Variants in DAAM1 observed in about 807,000 individuals in gnomAD.
DAAM1 encodes the protein disheveled-associated activator of morphogenesis 1.
Under a neutral mutation model 130.0 loss-of-function variants are expected in DAAM1, and 52 were observed. That is an observed-to-expected ratio of 0.40 (90% CI 0.32 to 0.50). The LOEUF is 0.50. Among genes scored for constraint, DAAM1 ranks in the 20% least tolerant of loss-of-function variants. The probability of loss-of-function intolerance (pLI) is 0.61; values close to 1 mark genes in which losing one functional copy is unlikely to be tolerated. For missense variants in DAAM1, 1,134 were observed against 1,303.8 expected, an observed-to-expected ratio of 0.87 and a Z score of 2.01; for synonymous variants, 452 against 444.5, an observed-to-expected ratio of 1.02 and a Z score of -0.21.
rs371257121 is a variant in DAAM1 at position 59,323,995 on chromosome 14, G to A, written c.775-133G>A. 31 of 468,028 alleles carry A rather than the reference G, an allele frequency of 6.6e-5. No individual in the cohort carries two copies. In the South Asian group the frequency reaches 9.0e-4, roughly 14 times the overall value. The allele number at this position is 468,028 out of a possible 1,614,324, so 29.0% of individuals were successfully genotyped here. On this transcript the variant is annotated intron_variant, in intron 6 of 24. Coordinates refer to ENST00000360909, the MANE Select transcript of DAAM1 (RefSeq NM_001270520.2). ...TGCCGTGAGCTGAGATCATGCCACC[G>A]CACTCCAGCCTGGGCAACAGAGCAA...
chr14:59,215,903 T>A (rs1374687397), intron 1 of DAAM1, among the ~76,000 whole-genome samples: 3 of 152,186 alleles, frequency 2.0e-5, no homozygotes, highest in Non-Finnish European at 2.9e-5. Context: ...GCATGAGAGG[T>A]CAGCCTCTTA....
intron 2 of DAAM1, among the ~76,000 whole-genome samples, chr14:59,269,951 G>A (rs935425017): frequency 6.6e-6 from 1 of 152,138 alleles, no homozygotes; most frequent in Admixed American, 6.5e-5. Flanking sequence ...GTTTGGGATG[G>A]TTATATTGTT....
At chr14:59,266,708 A>T (rs1882459555) in intron 2 of DAAM1, among the ~76,000 whole-genome samples, 1 of 152,202 alleles carries the variant, frequency 6.6e-6, no homozygotes, top group African/African-American at 2.4e-5. Flanking sequence ...CAAGAGAGGT[A>T]GGCTCAAAGC....
At chr14:59,281,897 T>C (rs1456155970) in intron 2 of DAAM1, among the ~76,000 whole-genome samples, 1 of 152,106 alleles carries the variant, frequency 6.6e-6, no homozygotes, top group African/African-American at 2.4e-5. Flanking sequence ...GATCTTATTA[T>C]TATTATACCC....
intron 1 of DAAM1, among the ~76,000 whole-genome samples, 178 bp downstream of exon 1, chr14:59,188,946 C>T (rs964739722): frequency 2.9e-4 from 44 of 152,170 alleles, no homozygotes; most frequent in Admixed American, 2.8e-3. Flanking sequence ...CAGGTTGGGT[C>T]TGGGTGGGAA....
chr14:59,247,847 T>C (rs576235532), intron 1 of DAAM1, among the ~76,000 whole-genome samples: 1 of 152,330 alleles, frequency 6.6e-6, no homozygotes, highest in Non-Finnish European at 1.5e-5. Flanking sequence ...TTTAAACAAG[T>C]ATATCCATTT....
chr14:59,282,651 C>G (rs541435054), intron 2 of DAAM1, among the ~76,000 whole-genome samples: 1 of 152,122 alleles, frequency 6.6e-6, no homozygotes, highest in Non-Finnish European at 1.5e-5. Context: ...AGTCTAGACT[C>G]GAGTTCTTCC....
intron 1 of DAAM1, among the ~76,000 whole-genome samples, chr14:59,230,636 G>C (rs1329088387): frequency 2.0e-5 from 3 of 151,754 alleles, no homozygotes; most frequent in Non-Finnish European, 4.4e-5. Context: ...AAAGTTAATG[G>C]GTACAAAAAA....
At chr14:59,259,933 A>G (rs945312626) in intron 1 of DAAM1, among the ~76,000 whole-genome samples, 1 of 152,196 alleles carries the variant, frequency 6.6e-6, no homozygotes, top group East Asian at 1.9e-4. Flanking sequence ...AGTCCCAGCT[A>G]CTGGGGAGGC....
At chr14:59,193,509 CAG>C (rs1490848521) in intron 1 of DAAM1, among the ~76,000 whole-genome samples, 1 of 151,984 alleles carries the variant, frequency 6.6e-6, no homozygotes, top group Non-Finnish European at 1.5e-5. Flanking sequence ...AGGGGGAGAA[CAG>C]AGCATTTCAG....
chr14:59,248,201 T>G (rs1881479415), intron 1 of DAAM1, among the ~76,000 whole-genome samples: 1 of 152,224 alleles, frequency 6.6e-6, no homozygotes, highest in Admixed American at 6.5e-5. Flanking sequence ...AATAAAGCAA[T>G]TAGTGTTCAC....
chr14:59,198,034 G>T (rs1418427721), intron 1 of DAAM1, among the ~76,000 whole-genome samples: 1 of 151,970 alleles, frequency 6.6e-6, no homozygotes, highest in East Asian at 1.9e-4. Flanking sequence ...AGAGTTGCTG[G>T]GTTTCACTTA....
chr14:59,351,997 G>GA (rs965949036), intron 17 of DAAM1, among the ~76,000 whole-genome samples: 26 of 150,534 alleles, frequency 1.7e-4, no homozygotes, highest in South Asian at 4.2e-4. Context: ...CATGGAAGGG[G>GA]AAAAAAAAAG....
intron 15 of DAAM1, among the ~76,000 whole-genome samples, chr14:59,335,652 C>A (rs1374747834): frequency 1.3e-5 from 2 of 152,028 alleles, no homozygotes; most frequent in African/African-American, 4.8e-5. Context: ...CTCTTCCTTC[C>A]CCCTGATCTT....
chr14:59,260,953 T>C (rs1010267903), intron 1 of DAAM1, among the ~76,000 whole-genome samples: 2 of 152,056 alleles, frequency 1.3e-5, no homozygotes, highest in African/African-American at 4.8e-5. Flanking sequence ...GAGTAAAGTG[T>C]AGGATATTTT....
chr14:59,297,733 C>G (rs1884008655), intron 3 of DAAM1, among the ~76,000 whole-genome samples: 1 of 152,158 alleles, frequency 6.6e-6, no homozygotes, highest in Non-Finnish European at 1.5e-5. Flanking sequence ...ATATTACAGT[C>G]TATTGTCATT....
chr14:59,288,094 A>G (rs1170713010), intron 2 of DAAM1, among the ~76,000 whole-genome samples: 2 of 152,210 alleles, frequency 1.3e-5, no homozygotes, highest in Non-Finnish European at 2.9e-5. Flanking sequence ...ATGGAACAGC[A>G]TGGAGAACCC....
intron 1 of DAAM1, among the ~76,000 whole-genome samples, chr14:59,234,387 A>G (rs1381542309): frequency 1.3e-5 from 2 of 152,048 alleles, no homozygotes; most frequent in Admixed American, 6.6e-5. Flanking sequence ...TTCTCTTTGT[A>G]GCAATTGTGA....
At chr14:59,362,932 G>A (rs1886766129) in intron 22 of DAAM1, 1 of 152,116 alleles carries the variant, frequency 6.6e-6, no homozygotes, top group Non-Finnish European at 1.5e-5. Context: ...TAATTTATAT[G>A]TTTGTATAAT....
Sources: gnomAD v4.1 joint callset for allele counts (sites outside exome capture counted in the v4.1 genomes callset) on GRCh38, gnomAD v4.1.1 for gene constraint, MANE v1.5 for transcripts, NCBI Gene and HGNC (gene_info 2026-07-23, HGNC 2026-07-21) for gene names.